The following GNG4 variants were observed in gnomAD, a reference collection of about 807,000 sequenced individuals.
The protein encoded by GNG4 is G protein subunit gamma 4, also known as guanine nucleotide-binding protein G(I)/G(S)/G(O) subunit gamma-4.
Under a neutral mutation model 5.8 loss-of-function variants are expected in GNG4, and 4 were observed. The observed-to-expected ratio is 0.69, with a 90% confidence interval of 0.34 to 1.57. The LOEUF (loss-of-function observed/expected upper bound fraction) is 1.57. Among genes scored for constraint, GNG4 ranks in the 40% most tolerant of loss-of-function variants. The pLI, the probability that GNG4 is intolerant of heterozygous loss-of-function variation, is 0.06. For synonymous variants in GNG4, 29 were observed against 32.9 expected (o/e 0.88, Z 0.41); for missense variants, 96 against 95.1 (o/e 1.01, Z -0.04).
chr1:235,645,189 T>C (rs868426302), intron 1 of GNG4, among the ~76,000 whole-genome samples: 6 of 152,156 alleles, frequency 3.9e-5, no homozygotes, highest in African/African-American at 1.4e-4. Context: ...CTCTTCCTGT[T>C]CATCAGTGTC....
At chr1:235,596,152 T>C (rs3001659) in intron 1 of GNG4, among the ~76,000 whole-genome samples, 88,594 of 150,104 alleles carry the variant, frequency 0.59, 26,541 homozygotes, top group East Asian at 0.8. Flanking sequence ...CCAGCCTGGG[T>C]GACAGAGCGA....
intron 1 of GNG4, among the ~76,000 whole-genome samples, chr1:235,625,908 G>C (rs1289222538): frequency 6.6e-6 from 1 of 152,166 alleles, no homozygotes; most frequent in Non-Finnish European, 1.5e-5. Context: ...CTGTGTGCAG[G>C]TTTTCGTGTG....
chr1:235,602,917 A>C (rs1425766775), intron 1 of GNG4, among the ~76,000 whole-genome samples: 1 of 152,156 alleles, frequency 6.6e-6, no homozygotes, highest in Non-Finnish European at 1.5e-5. Flanking sequence ...CATTCCCTCA[A>C]GAATAGAGGT....
At chr1:235,597,605 T>G (rs1355065529) in intron 1 of GNG4, among the ~76,000 whole-genome samples, 1 of 107,936 alleles carries the variant, frequency 9.3e-6, no homozygotes, top group Non-Finnish European at 2.1e-5. Flanking sequence ...TGTGTGTGTG[T>G]GTGTGTGTGT....
intron 1 of GNG4, among the ~76,000 whole-genome samples, chr1:235,627,472 C>T (rs749057063): frequency 1.3e-5 from 2 of 152,094 alleles, no homozygotes; most frequent in African/African-American, 4.8e-5. Flanking sequence ...CTGCCCGCCT[C>T]GGCTTCCCAA....
chr1:235,607,114 T>A (rs115850881), intron 1 of GNG4, among the ~76,000 whole-genome samples: 25,172 of 151,732 alleles, frequency 0.17, 2,486 homozygotes, highest in Middle Eastern at 0.25. Context: ...AATTTTTTTT[T>A]ATTTTTATTT....
chr1:235,583,248 A>C (rs1687683684), intron 3 of GNG4, among the ~76,000 whole-genome samples: 1 of 152,142 alleles, frequency 6.6e-6, no homozygotes, highest in Non-Finnish European at 1.5e-5. Flanking sequence ...GCGTGGAGAG[A>C]CCTGCACTCA....
intron 3 of GNG4, among the ~76,000 whole-genome samples, chr1:235,570,884 ATG>A (rs1687320962): frequency 1.3e-5 from 1 of 78,062 alleles, no homozygotes. Flanking sequence ...GTGTGTGTAT[ATG>A]TATGTATATA....
At chr1:235,628,993 A>ATTTTTTT (rs1054950474) in intron 1 of GNG4, among the ~76,000 whole-genome samples, 1 of 118,364 alleles carries the variant, frequency 8.4e-6, no homozygotes, top group African/African-American at 3.0e-5. Flanking sequence ...ATTTGCTTGA[A>ATTTTTTT]TTTTTTTTTT....
intron 3 of GNG4, among the ~76,000 whole-genome samples, chr1:235,578,571 C>T (rs1174332544): frequency 6.6e-6 from 1 of 152,062 alleles, no homozygotes; most frequent in Non-Finnish European, 1.5e-5. Flanking sequence ...GGTATATTTA[C>T]ACAATAGAAT....
intron 3 of GNG4, among the ~76,000 whole-genome samples, chr1:235,569,450 C>A (rs575526022): frequency 1.5e-4 from 15 of 98,530 alleles, no homozygotes; most frequent in Non-Finnish European, 2.6e-4. Context: ...AGAGGGAGAC[C>A]GTGTCTCAAA....
chr1:235,585,796 T>C (rs1275948765), intron 2 of GNG4, among the ~76,000 whole-genome samples: 2 of 152,236 alleles, frequency 1.3e-5, no homozygotes, highest in Non-Finnish European at 2.9e-5. Context: ...TTTTGTGATA[T>C]ATTACCAAAT....
At chr1:235,621,682 C>T (rs1571917935) in intron 1 of GNG4, among the ~76,000 whole-genome samples, 1 of 144,600 alleles carries the variant, frequency 6.9e-6, no homozygotes, top group Admixed American at 6.9e-5. Context: ...GTATTTTACC[C>T]TTTTTTTTTT....
rs190794232 is a variant in GNG4, at chr1:235,580,635, C to T, written c.99+3105G>A. Among the ~76,000 whole-genome samples the T allele has an allele frequency of 5.1e-3, 774 of 152,238 alleles. 4 individuals carry two copies. Among genetic ancestry groups the T allele is most frequent in the African/African-American group, 0.018 (734 of 41,532 alleles). ...TGACACAGCTGTCACTGGCCTACTC[C>T]CTGGAATTACCACAGGATCTGAATT... On this transcript the variant is annotated intron_variant, in intron 3 of 3. Coordinates refer to ENST00000391854, the MANE Select transcript of GNG4 (RefSeq NM_001098722.2).
intron 1 of GNG4, among the ~76,000 whole-genome samples, chr1:235,609,430 G>T (rs936726635): frequency 6.6e-6 from 1 of 152,078 alleles, no homozygotes; most frequent in Admixed American, 6.6e-5. Context: ...TTGGGTTATA[G>T]CCATCCTCGT....
chr1:235,588,350 C>T (rs1237009499), intron 2 of GNG4, among the ~76,000 whole-genome samples: 1 of 152,106 alleles, frequency 6.6e-6, no homozygotes, highest in Non-Finnish European at 1.5e-5. Context: ...GCCGAGGCCC[C>T]TGGACCTGGC....
chr1:235,600,099 G>GTTTTTT (rs1558492553), intron 1 of GNG4, among the ~76,000 whole-genome samples: 10 of 51,424 alleles, frequency 1.9e-4, no homozygotes, highest in East Asian at 3.8e-4. Context: ...GCGGAAGAAA[G>GTTTTTT]CTTTTTTTTT....
rs386417904 is a variant in GNG4, at chr1:235,597,588, CTGTGTGTG to C, written c.-122-2085_-122-2078del. Among the ~76,000 whole-genome samples the C allele has an allele frequency of 3.0e-3, 226 of 74,266 alleles. 4 individuals are homozygous for C. Among genetic ancestry groups the C allele is most frequent in the African/African-American group, 5.3e-3 (102 of 19,106 alleles). The allele number at this position is 74,266 out of a possible 152,430, so 48.7% of individuals were successfully genotyped here. A position where few individuals can be genotyped will look rare whatever the true frequency, so the allele number is the denominator to read the frequency against. On this transcript the variant is annotated intron_variant, in intron 1 of 3. Transcript: ENST00000391854. ...TTTGTTTTTTTTTTTAACTTGTTTG[CTGTGTGTG>C]TGTGTGTGTGTGTGTGTGTGTGTGT...
intron 1 of GNG4, among the ~76,000 whole-genome samples, chr1:235,635,776 A>G (rs555803693): frequency 6.6e-6 from 1 of 152,332 alleles, no homozygotes; most frequent in Admixed American, 6.5e-5. Context: ...TTAATTCAGT[A>G]ACATACTTAA....
Sources: allele counts gnomAD v4.1 joint callset (sites outside exome capture counted in the v4.1 genomes callset), GRCh38; gene constraint gnomAD v4.1.1; transcripts MANE v1.5; gene names NCBI Gene and HGNC (gene_info 2026-07-23, HGNC 2026-07-21).